VPS13D: variants seen among roughly 807,000 people sequenced by gnomAD.
VPS13D encodes vacuolar protein sorting 13 homolog D.
Under a neutral mutation model 461.9 loss-of-function variants are expected in VPS13D, and 187 were observed. The observed-to-expected ratio is 0.40, with a 90% CI of 0.36 to 0.46. The LOEUF (loss-of-function observed/expected upper bound fraction) is 0.46, where lower values mean the gene tolerates loss of function less well. VPS13D is among the 20% of genes least tolerant of loss of function. The pLI, the probability that VPS13D is intolerant of heterozygous loss-of-function variation, is 0.60. For synonymous variants in VPS13D, 1,951 were observed against 1,986.3 expected (o/e 0.98, Z 0.47); for missense variants, 4,711 against 5,364.9 (o/e 0.88, Z 3.81).
chr1:12,396,960 G>T (rs571861578), intron 60 of VPS13D, among the ~76,000 whole-genome samples: 4 of 152,250 alleles, frequency 2.6e-5, no homozygotes, highest in African/African-American at 9.6e-5. Flanking sequence ...TTGAGATGGA[G>T]TCTCACTCTG....
intron 54 of VPS13D, among the ~76,000 whole-genome samples, chr1:12,373,095 GTTTTTTTTT>G (rs571503565): frequency 4.3e-4 from 16 of 37,240 alleles, no homozygotes; most frequent in Non-Finnish European, 5.8e-4. Flanking sequence ...GTCTGGCTTG[GTTTTTTTTT>G]TTTTTTTTTT....
Position 12,333,367 on chromosome 1 carries a change from G to A in VPS13D, c.8428+1G>A. 1 of 1,613,918 alleles carries A rather than the reference G, an allele frequency of 6.2e-7. No individual in the cohort carries two copies. The highest frequency in any genetic ancestry group is 8.5e-7 in the Non-Finnish European group (1 of 1,179,896). Reference sequence around the variant, plus strand: ...ATCAATATCACTTCTGTGCTAATTGGTGAGTAGAAAGTTGTCTTTCATAGA... The same window carrying A: ...ATCAATATCACTTCTGTGCTAATTGATGAGTAGAAAGTTGTCTTTCATAGA... On this transcript the variant is annotated splice_donor_variant, in intron 38 of 69. Transcript: ENST00000620676. LOFTEE classifies it high-confidence loss of function.
intron 67 of VPS13D, among the ~76,000 whole-genome samples, chr1:12,496,087 GGTAT>G (rs1344237474): frequency 6.6e-6 from 1 of 152,028 alleles, no homozygotes; most frequent in Non-Finnish European, 1.5e-5. Flanking sequence ...AGACTGGCGG[GGTAT>G]GTGAGTGTGT....
intron 47 of VPS13D, 87 bp downstream of exon 47, chr1:12,354,308 G>T: frequency 6.8e-7 from 1 of 1,477,364 alleles, no homozygotes; most frequent in South Asian, 1.3e-5. Flanking sequence ...TAAGCATCTT[G>T]GAGAAATTGG....
At chr1:12,254,928 T>A (rs975967083) in intron 7 of VPS13D, among the ~76,000 whole-genome samples, 4 of 151,980 alleles carry the variant, frequency 2.6e-5, no homozygotes, top group Admixed American at 6.6e-5. Context: ...ACTTGGATAC[T>A]ATTGTACATG....
rs1013371917 is a variant in VPS13D at position 12,440,398 on chromosome 1, G to A, written c.12334-15600G>A. On this transcript the variant is annotated intron_variant, in intron 65 of 69. Coordinates refer to ENST00000620676, the MANE Select transcript of VPS13D (RefSeq NM_015378.4). ...AGGGCTGGAGCAGCAGCTTGAATGC[G>A]AGGGAAAGCTAAAGGCAGGCTTTTT... Among the ~76,000 whole-genome samples the A allele has an allele frequency of 3.9e-5, 6 of 152,234 alleles. No individual in the cohort carries two copies. The East Asian group carries it at 5.8e-4, about 15-fold the overall frequency.
chr1:12,371,694 A>T (rs545884485), intron 54 of VPS13D, among the ~76,000 whole-genome samples: 55 of 151,806 alleles, frequency 3.6e-4, no homozygotes, highest in Non-Finnish European at 7.1e-4. Context: ...CTCCTGGCCC[A>T]TTTTTTTTAT....
chr1:12,480,263 C>A (rs192538447), intron 67 of VPS13D, among the ~76,000 whole-genome samples: 1 of 152,350 alleles, frequency 6.6e-6, no homozygotes, highest in Admixed American at 6.5e-5. Context: ...AGGCGGTAAC[C>A]TGGGAACTCC....
intron 57 of VPS13D, among the ~76,000 whole-genome samples, chr1:12,382,351 C>G (rs961698614): frequency 6.6e-6 from 1 of 152,144 alleles, no homozygotes; most frequent in African/African-American, 2.4e-5. Context: ...ATTCGCCCGC[C>G]TTGGCCTCCC....
intron 23 of VPS13D, 131 bp downstream of exon 23, chr1:12,291,255 G>A: frequency 4.0e-6 from 4 of 987,874 alleles, no homozygotes; most frequent in Non-Finnish European, 5.9e-6. Flanking sequence ...GAGAAGTTAT[G>A]GTTATGAGGA....
chr1:12,351,964 G>T (rs1643806427), intron 46 of VPS13D, among the ~76,000 whole-genome samples: 1 of 151,430 alleles, frequency 6.6e-6, no homozygotes, highest in Admixed American at 6.6e-5. Flanking sequence ...CTTAATATTT[G>T]AAAATCAGTA....
intron 60 of VPS13D, among the ~76,000 whole-genome samples, chr1:12,390,854 C>T (rs952065043): frequency 1.3e-5 from 2 of 152,222 alleles, no homozygotes; most frequent in South Asian, 2.1e-4. Context: ...TTCATAGTCC[C>T]AGTGGGCGAT....
intron 16 of VPS13D, among the ~76,000 whole-genome samples, chr1:12,270,599 A>G (rs1014487054): frequency 1.3e-5 from 2 of 152,052 alleles, no homozygotes; most frequent in Non-Finnish European, 2.9e-5. Context: ...ACTTAGGTAC[A>G]CTTCTCTCAC....
At chr1:12,421,463 C>T (rs1364056671) in intron 65 of VPS13D, among the ~76,000 whole-genome samples, 1 of 152,182 alleles carries the variant, frequency 6.6e-6, no homozygotes, top group Admixed American at 6.5e-5. Context: ...AGAATATCTG[C>T]AAGACACTCT....
chr1:12,304,466 C>T, intron 25 of VPS13D, 40 bp from the exon 26 acceptor site: 2 of 1,562,070 alleles, frequency 1.3e-6, no homozygotes, highest in Non-Finnish European at 1.7e-6. Context: ...CTGCCCCCTT[C>T]CCATTTCCTG....
chr1:12,421,249 C>T (rs916551727), intron 65 of VPS13D, among the ~76,000 whole-genome samples: 4 of 152,222 alleles, frequency 2.6e-5, no homozygotes, highest in African/African-American at 9.6e-5. Flanking sequence ...GGCAAGATGA[C>T]TCTAGCCCTT....
At chr1:12,242,030 G>T (rs1182544355) in intron 2 of VPS13D, among the ~76,000 whole-genome samples, 1 of 151,978 alleles carries the variant, frequency 6.6e-6, no homozygotes, top group Non-Finnish European at 1.5e-5. Flanking sequence ...GCCACATCTG[G>T]CCTGCAGACT....
At chr1:12,326,911 G>C (rs143023356) in intron 35 of VPS13D, among the ~76,000 whole-genome samples, 295 of 152,208 alleles carry the variant, frequency 1.9e-3, no homozygotes, top group East Asian at 0.017. Context: ...CCAAAGTGCT[G>C]GGATTACAGG....
chr1:12,297,751 TGG>T (rs1642315049), intron 24 of VPS13D, among the ~76,000 whole-genome samples: 1 of 152,008 alleles, frequency 6.6e-6, no homozygotes, highest in Non-Finnish European at 1.5e-5. Flanking sequence ...AGGAACAGAG[TGG>T]AAAACAAGAA....
Sources: allele counts gnomAD v4.1 joint callset (sites outside exome capture counted in the v4.1 genomes callset), GRCh38; gene constraint gnomAD v4.1.1; transcripts MANE v1.5; gene names NCBI Gene and HGNC (gene_info 2026-07-23, HGNC 2026-07-21).